The following DGKB variants were observed in gnomAD, a reference collection of about 807,000 sequenced individuals.
DGKB encodes the protein 90 kDa diacylglycerol kinase.
A neutral mutation model predicts 114.3 loss-of-function variants in DGKB; 67 were observed. That is an observed-to-expected ratio of 0.59 (90% confidence interval 0.48 to 0.72). The LOEUF is 0.72. Ranked by LOEUF, DGKB falls within the 30% of genes least tolerant of loss-of-function variation. DGKB has a pLI of 0.00. For missense variants in DGKB, 907 were observed against 975.2 expected, an observed-to-expected ratio of 0.93 and a Z score of 0.93; for synonymous variants, 398 against 323.1, an observed-to-expected ratio of 1.23 and a Z score of -2.49.
At chr7:14,352,098 G>A (rs1365099867) in intron 21 of DGKB, among the ~76,000 whole-genome samples, 1 of 152,040 alleles carries the variant, frequency 6.6e-6, no homozygotes, top group African/African-American at 2.4e-5. Flanking sequence ...TTCATAAGAC[G>A]TGCTTGTTAA....
At chr7:14,707,411 C>G (rs1230033033) in intron 6 of DGKB, among the ~76,000 whole-genome samples, 2 of 144,444 alleles carry the variant, frequency 1.4e-5, no homozygotes, top group African/African-American at 5.2e-5. Flanking sequence ...GGTACCATTC[C>G]TTCTGAAACT....
chr7:14,216,662 G>GTT (rs1789012594), intron 23 of DGKB, among the ~76,000 whole-genome samples: 1 of 145,490 alleles, frequency 6.9e-6, no homozygotes, highest in Non-Finnish European at 1.5e-5. Flanking sequence ...GGAGGTGGAG[G>GTT]TTGCAGTGAA....
chr7:14,620,178 T>C (rs1003051661), intron 15 of DGKB, among the ~76,000 whole-genome samples: 1 of 151,472 alleles, frequency 6.6e-6, no homozygotes, highest in South Asian at 2.1e-4. Context: ...AATGTACATC[T>C]TGATTTACTT....
intron 2 of DGKB, among the ~76,000 whole-genome samples, chr7:14,799,121 A>G (rs1445668204): frequency 1.3e-5 from 2 of 152,202 alleles, no homozygotes; most frequent in Non-Finnish European, 2.9e-5. Context: ...GGTTACTCCA[A>G]TTGAAACATC....
At chr7:14,585,469 C>A (rs1374366928) in intron 17 of DGKB, among the ~76,000 whole-genome samples, 1 of 152,166 alleles carries the variant, frequency 6.6e-6, no homozygotes, top group Non-Finnish European at 1.5e-5. Flanking sequence ...CAGATTCATT[C>A]ATGTTGTAGC....
chr7:14,253,327 C>T (rs575689717), intron 23 of DGKB, among the ~76,000 whole-genome samples: 29 of 152,246 alleles, frequency 1.9e-4, no homozygotes, highest in African/African-American at 6.5e-4. Context: ...CCACCAAACT[C>T]GGCCACTTAA....
At chr7:14,540,217 A>G (rs1793195464) in intron 20 of DGKB, among the ~76,000 whole-genome samples, 1 of 152,146 alleles carries the variant, frequency 6.6e-6, no homozygotes, top group Non-Finnish European at 1.5e-5. Flanking sequence ...AATTGTTGCT[A>G]TAATACTATC....
At chr7:14,770,412 C>T (rs1307202256) in intron 2 of DGKB, among the ~76,000 whole-genome samples, 2 of 152,088 alleles carry the variant, frequency 1.3e-5, no homozygotes, top group Admixed American at 1.3e-4. Flanking sequence ...AAGAAATGTC[C>T]TGGATTCACC....
At chr7:14,930,271 T>G (rs1389824360) in intron 1 of DGKB, among the ~76,000 whole-genome samples, 1 of 152,188 alleles carries the variant, frequency 6.6e-6, no homozygotes. Context: ...AATTTGCATT[T>G]TGATAGGGAT....
upstream of DGKB, chr7:14,903,292 C>T: frequency 6.6e-6 from 1 of 152,146 alleles, no homozygotes; most frequent in Non-Finnish European, 1.4e-5. Flanking sequence ...AAGCACCAGC[C>T]CTGCCTATCT....
intron 20 of DGKB, among the ~76,000 whole-genome samples, chr7:14,550,650 G>T (rs1794978701): frequency 6.6e-6 from 1 of 152,032 alleles, no homozygotes; most frequent in African/African-American, 2.4e-5. Context: ...TCTTCATTTG[G>T]TTGCTATGAT....
chr7:14,258,019 A>C (rs748728815), intron 23 of DGKB, among the ~76,000 whole-genome samples: 4 of 152,184 alleles, frequency 2.6e-5, no homozygotes, highest in Non-Finnish European at 5.9e-5. Flanking sequence ...TGAGCCAATC[A>C]ATGTGTCTGG....
At chr7:14,392,997 T>TTTTGTTTTTGTTTTTGTTTTTG (rs1194161555) in intron 21 of DGKB, among the ~76,000 whole-genome samples, 4 of 87,586 alleles carry the variant, frequency 4.6e-5, no homozygotes, top group Non-Finnish European at 1.0e-4. Flanking sequence ...TTGTTTTTGT[T>TTTTGTTTTTGTTTTTGTTTTTG]TTTTTTTTTT....
chr7:14,177,526 C>G (rs1235236049), intron 24 of DGKB, among the ~76,000 whole-genome samples: 2 of 120,552 alleles, frequency 1.7e-5, no homozygotes, highest in Non-Finnish European at 3.3e-5. Context: ...TGCACTCCAG[C>G]CTGGGCAACA....
At chr7:14,726,280 T>C (rs1482576500) in intron 5 of DGKB, among the ~76,000 whole-genome samples, 1 of 151,964 alleles carries the variant, frequency 6.6e-6, no homozygotes, top group African/African-American at 2.4e-5. Flanking sequence ...GCTGGGATTA[T>C]AGGCACCTGC....
At chr7:14,304,433 A>C (rs1044971090) in intron 23 of DGKB, among the ~76,000 whole-genome samples, 1 of 151,724 alleles carries the variant, frequency 6.6e-6, no homozygotes, top group African/African-American at 2.4e-5. Flanking sequence ...AACATCCCAC[A>C]GTCCCACTTT....
chr7:14,474,032 G>T (rs1174537552), intron 21 of DGKB, among the ~76,000 whole-genome samples: 1 of 152,252 alleles, frequency 6.6e-6, no homozygotes, highest in South Asian at 2.1e-4. Context: ...TAAGACTTTG[G>T]GGGACTATTG....
intron 21 of DGKB, among the ~76,000 whole-genome samples, chr7:14,459,008 T>G (rs1832704716): frequency 6.6e-6 from 1 of 152,076 alleles, no homozygotes; most frequent in Non-Finnish European, 1.5e-5. Flanking sequence ...ATGCTCCAGC[T>G]TGGTGGGGGG....
At chr7:14,429,723 C>T (rs911421492) in intron 21 of DGKB, among the ~76,000 whole-genome samples, 3 of 152,156 alleles carry the variant, frequency 2.0e-5, no homozygotes, top group Admixed American at 1.3e-4. Context: ...GAGTTCAAGA[C>T]CAGCCTGGCC....
Sources: allele counts gnomAD v4.1 joint callset (sites outside exome capture counted in the v4.1 genomes callset), GRCh38; gene constraint gnomAD v4.1.1; transcripts MANE v1.5; gene names NCBI Gene and HGNC (gene_info 2026-07-23, HGNC 2026-07-21).